TAFA2: variants seen among roughly 807,000 people sequenced by gnomAD.
The protein encoded by TAFA2 is chemokine-like protein TAFA-2.
TAFA2 carries 7 observed loss-of-function variants against 18.8 expected under a neutral mutation model. The ratio of observed to expected loss-of-function variants is 0.37; its 90% CI spans 0.21 to 0.70. TAFA2 has a LOEUF of 0.70. Ranked by LOEUF, TAFA2 falls within the 30% of genes least tolerant of loss-of-function variation. TAFA2 has a pLI of 0.53. For synonymous variants in TAFA2, 60 were observed against 54.2 expected (o/e 1.11, Z -0.47); for missense variants, 122 against 158.1 (o/e 0.77, Z 1.23).
chr12:62,054,234 T>G (rs536155637), intron 1 of TAFA2, among the ~76,000 whole-genome samples: 4 of 152,340 alleles, frequency 2.6e-5, no homozygotes, highest in Non-Finnish European at 4.4e-5. Flanking sequence ...AACTGTAACT[T>G]AAATACAGAA....
rs1245679784 is a variant in TAFA2 at position 62,239,942 on chromosome 12, C to A, written c.-130+18821G>T. ...GTGGGTTGTTACGCAGAAAAGATAA[C>A]TAGAATAGTCAGCCAATGCTTCTCT... is the stretch of plus-strand genomic sequence containing the variant. On this transcript the variant is annotated intron_variant, in intron 1 of 5. Coordinates refer to the TAFA2 transcript ENST00000551619. 2.0e-5 allele frequency among the ~76,000 whole-genome samples: 3 copies of A among 152,178 alleles called. No homozygotes were observed. In the East Asian group the frequency reaches 5.8e-4, roughly 29 times the overall value.
chr12:61,783,360 GA>G (rs1359850897), intron 2 of TAFA2, among the ~76,000 whole-genome samples: 2 of 151,576 alleles, frequency 1.3e-5, no homozygotes, highest in Non-Finnish European at 3.0e-5. Context: ...AATTATACAG[GA>G]CAGAATCAAC....
chr12:62,181,082 T>C (rs1367588698), intron 1 of TAFA2, among the ~76,000 whole-genome samples: 1 of 152,206 alleles, frequency 6.6e-6, no homozygotes. Context: ...TTTATTTTTG[T>C]CCTTGACCTT....
chr12:61,994,166 A>G (rs1292234883), intron 1 of TAFA2, among the ~76,000 whole-genome samples: 1 of 152,136 alleles, frequency 6.6e-6, no homozygotes, highest in Non-Finnish European at 1.5e-5. Context: ...CCCCACTTTA[A>G]CATTAACATT....
intron 1 of TAFA2, among the ~76,000 whole-genome samples, chr12:62,055,642 GATATTAGCTATCTGGTT>G (rs1882169388): frequency 6.6e-6 from 1 of 151,994 alleles, no homozygotes; most frequent in African/African-American, 2.4e-5. Context: ...CATCTAAAAA[GATATTAGCTATCTGGTT>G]ATATTTTAGA....
intron 1 of TAFA2, among the ~76,000 whole-genome samples, chr12:62,207,589 C>T (rs2062697440): frequency 1.3e-5 from 2 of 152,154 alleles, no homozygotes; most frequent in Admixed American, 6.5e-5. Context: ...CATTTAGCTG[C>T]TTCCATGAAC....
intron 2 of TAFA2, among the ~76,000 whole-genome samples, chr12:61,802,838 A>C (rs1042263074): frequency 1.3e-5 from 2 of 152,066 alleles, no homozygotes; most frequent in African/African-American, 4.8e-5. Flanking sequence ...ATGTATTGGA[A>C]TATCACTCTA....
intron 1 of TAFA2, among the ~76,000 whole-genome samples, chr12:62,250,299 C>A (rs1465724770): frequency 6.6e-6 from 1 of 152,144 alleles, no homozygotes; most frequent in Non-Finnish European, 1.5e-5. Flanking sequence ...GATAAGTTTT[C>A]TATCCAATGC....
chr12:62,059,357 T>C (rs1310418538), intron 1 of TAFA2, among the ~76,000 whole-genome samples: 1 of 152,064 alleles, frequency 6.6e-6, no homozygotes, highest in Non-Finnish European at 1.5e-5. Flanking sequence ...ATTATTGAAC[T>C]GCTGCTATGG....
In TAFA2 at chr12:61,879,712, G is replaced by A. The variant is rs1002395126; in HGVS notation, c.-1-12286C>T. ...AGTGGAGCCTCCTGCAGCAGCAGAA[G>A]ATGGCTCAGAGCAACATGGACAACA... On this transcript the variant is annotated intron_variant, in intron 1 of 4. Coordinates refer to ENST00000416284, the MANE Select transcript of TAFA2 (RefSeq NM_178539.5). 3 of 1,135,594 alleles carry A rather than the reference G, an allele frequency of 2.6e-6. No homozygotes were observed. In the African/African-American group the frequency reaches 4.5e-5, roughly 17 times the overall value. The allele number at this position is 1,135,594 out of a possible 1,614,324, so 70.3% of individuals were successfully genotyped here. A position where few individuals can be genotyped will look rare whatever the true frequency, so the allele number is the denominator to read the frequency against.
intron 1 of TAFA2, among the ~76,000 whole-genome samples, chr12:62,116,768 G>T (rs1014777809): frequency 2.6e-5 from 4 of 152,172 alleles, no homozygotes; most frequent in African/African-American, 9.6e-5. Context: ...AGAAATGGAG[G>T]TTGTAATGGG....
chr12:61,934,998 G>A (rs529687613), intron 1 of TAFA2, among the ~76,000 whole-genome samples: 1 of 152,250 alleles, frequency 6.6e-6, no homozygotes, highest in Admixed American at 6.5e-5. Context: ...ACTTGACTGA[G>A]TTTATAAGCA....
At chr12:61,778,443 A>C (rs900481324) in intron 2 of TAFA2, among the ~76,000 whole-genome samples, 1 of 151,758 alleles carries the variant, frequency 6.6e-6, no homozygotes, top group Non-Finnish European at 1.5e-5. Flanking sequence ...GCTTGCCACC[A>C]GTCATGATGC....
chr12:62,039,450 A>C (rs1881699902), intron 1 of TAFA2, among the ~76,000 whole-genome samples: 1 of 152,128 alleles, frequency 6.6e-6, no homozygotes, highest in South Asian at 2.1e-4. Context: ...TCCTCAAAAA[A>C]ATTTTTCACT....
intron 1 of TAFA2, among the ~76,000 whole-genome samples, chr12:61,994,361 C>G (rs1289777577): frequency 6.6e-6 from 1 of 152,174 alleles, no homozygotes; most frequent in Non-Finnish European, 1.5e-5. Flanking sequence ...TCCAGCCATG[C>G]TCTGGATACC....
chr12:62,208,568 T>C (rs1161728295), intron 1 of TAFA2, among the ~76,000 whole-genome samples: 2 of 152,096 alleles, frequency 1.3e-5, no homozygotes, highest in African/African-American at 4.8e-5. Context: ...ATAAAATCAT[T>C]GTGAATACCT....
At chr12:61,985,227 T>G (rs1350879368) in intron 1 of TAFA2, among the ~76,000 whole-genome samples, 8 of 152,192 alleles carry the variant, frequency 5.3e-5, no homozygotes, top group Non-Finnish European at 8.8e-5. Flanking sequence ...TGGACTTATT[T>G]TGAGTTACTT....
At chr12:62,165,392 T>C (rs529156745) in intron 1 of TAFA2, among the ~76,000 whole-genome samples, 6 of 152,172 alleles carry the variant, frequency 3.9e-5, no homozygotes, top group African/African-American at 1.4e-4. Context: ...TCTACACTCA[T>C]CCTTGAGAGA....
intron 1 of TAFA2, among the ~76,000 whole-genome samples, chr12:62,107,319 G>T (rs1320432727): frequency 1.3e-5 from 2 of 151,420 alleles, no homozygotes; most frequent in Admixed American, 1.3e-4. Flanking sequence ...CAAAATGCCA[G>T]AAGAGAAAAA....
Sources: allele counts gnomAD v4.1 joint callset (sites outside exome capture counted in the v4.1 genomes callset), GRCh38; gene constraint gnomAD v4.1.1; transcripts MANE v1.5; gene names NCBI Gene and HGNC (gene_info 2026-07-23, HGNC 2026-07-21).